The following RAB3C variants were observed in gnomAD, a reference collection of about 807,000 sequenced individuals.
The protein encoded by RAB3C is RAB3C, member RAS oncogene family, also known as ras-related protein Rab-3C.
A neutral mutation model predicts 26.4 loss-of-function variants in RAB3C; 17 were observed. That is an observed-to-expected ratio of 0.64 (90% CI 0.44 to 0.97). RAB3C has a LOEUF of 0.97. RAB3C is among the 50% of genes least tolerant of loss of function. The probability of loss-of-function intolerance (pLI) is 0.00; values close to 1 mark genes in which losing one functional copy is unlikely to be tolerated. For missense variants in RAB3C, 242 were observed against 281.9 expected, an observed-to-expected ratio of 0.86 and a Z score of 1.01; for synonymous variants, 91 against 95.9, an observed-to-expected ratio of 0.95 and a Z score of 0.30.
intron 2 of RAB3C, among the ~76,000 whole-genome samples, chr5:58,627,614 G>A (rs1459892323): frequency 6.6e-6 from 1 of 151,248 alleles, no homozygotes; most frequent in Admixed American, 6.6e-5. Flanking sequence ...TTTCTAGTTG[G>A]ATAGTACTTA....
At chr5:58,794,357 A>G (rs1448612765) in intron 3 of RAB3C, 2 of 152,032 alleles carry the variant, frequency 1.3e-5, no homozygotes, top group Non-Finnish European at 2.9e-5. Context: ...GACACAAAAC[A>G]AAACACAGAA....
At chr5:58,661,138 C>T (rs750062540) in intron 2 of RAB3C, among the ~76,000 whole-genome samples, 18 of 149,942 alleles carry the variant, frequency 1.2e-4, no homozygotes, top group Non-Finnish European at 2.5e-4. Flanking sequence ...AGGAAATAAA[C>T]ATGGGATATT....
intron 1 of RAB3C, among the ~76,000 whole-genome samples, chr5:58,607,673 G>A (rs541858729): frequency 3.3e-4 from 50 of 152,308 alleles, no homozygotes; most frequent in Non-Finnish European, 6.3e-4. Context: ...GAAAGGTCGG[G>A]TTACCCACAA....
At chr5:58,623,758 C>T (rs1746989945) in intron 2 of RAB3C, among the ~76,000 whole-genome samples, 2 of 152,134 alleles carry the variant, frequency 1.3e-5, no homozygotes, top group African/African-American at 2.4e-5. Flanking sequence ...GGAAAACAAA[C>T]ATAGAAGAAA....
chr5:58,632,161 A>T (rs1206468855), intron 2 of RAB3C, among the ~76,000 whole-genome samples: 2 of 152,202 alleles, frequency 1.3e-5, no homozygotes, highest in Non-Finnish European at 2.9e-5. Flanking sequence ...TCACATATGA[A>T]AGCAACCAGA....
At chr5:58,684,391 A>C (rs1748404292) in intron 2 of RAB3C, among the ~76,000 whole-genome samples, 2 of 152,226 alleles carry the variant, frequency 1.3e-5, no homozygotes, top group South Asian at 2.1e-4. Context: ...TGACAGAAGC[A>C]GTCTTTATCA....
chr5:58,678,205 T>G (rs555728955), intron 2 of RAB3C, among the ~76,000 whole-genome samples: 8 of 152,246 alleles, frequency 5.3e-5, no homozygotes, highest in African/African-American at 1.7e-4. Context: ...TCCTAAGTAT[T>G]TTTCATATAA....
chr5:58,647,504 A>G (rs1747547227), intron 2 of RAB3C: 1 of 152,050 alleles, frequency 6.6e-6, no homozygotes. Flanking sequence ...CCCCCTCGAC[A>G]CGTGGGGATT....
At chr5:58,746,196 T>TTTTGTTCC (rs1741398840) in intron 3 of RAB3C, among the ~76,000 whole-genome samples, 1 of 152,182 alleles carries the variant, frequency 6.6e-6, no homozygotes, top group African/African-American at 2.4e-5. Context: ...AGAAGGGTCT[T>TTTTGTTCC]TTTGTTCCTT....
At chr5:58,708,711 C>T (rs1360429840) in intron 2 of RAB3C, among the ~76,000 whole-genome samples, 9 of 152,188 alleles carry the variant, frequency 5.9e-5, no homozygotes, top group Non-Finnish European at 1.3e-4. Flanking sequence ...AATTCCCTTT[C>T]AGGTTTCTCA....
chr5:58,675,284 AAG>A (rs1288290225), intron 2 of RAB3C, among the ~76,000 whole-genome samples: 1 of 152,084 alleles, frequency 6.6e-6, no homozygotes, highest in East Asian at 1.9e-4. Flanking sequence ...TATCTCTAAA[AAG>A]AGAAACATTT....
chr5:58,783,901 C>A (rs442899), intron 3 of RAB3C, among the ~76,000 whole-genome samples: 119,204 of 152,038 alleles, frequency 0.78, 46,887 homozygotes, highest in African/African-American at 0.83. Context: ...AAGCATTTTC[C>A]TGCCCCTATA....
At chr5:58,621,964 C>T (rs1047304132) in intron 2 of RAB3C, among the ~76,000 whole-genome samples, 1 of 152,214 alleles carries the variant, frequency 6.6e-6, no homozygotes, top group African/African-American at 2.4e-5. Flanking sequence ...TTTCTTGTCA[C>T]GTGCTGCATA....
intron 2 of RAB3C, among the ~76,000 whole-genome samples, chr5:58,646,444 G>A (rs1747521017): frequency 6.6e-6 from 1 of 151,564 alleles, no homozygotes; most frequent in South Asian, 2.1e-4. Context: ...TATACATAAG[G>A]TTTTCTCGGT....
intron 3 of RAB3C, among the ~76,000 whole-genome samples, chr5:58,731,362 T>C (rs1331469408): frequency 6.6e-6 from 1 of 152,162 alleles, no homozygotes; most frequent in African/African-American, 2.4e-5. Flanking sequence ...TTAGAATTTA[T>C]GTAGAATCTA....
At chr5:58,638,613 T>C (rs158963) in intron 2 of RAB3C, among the ~76,000 whole-genome samples, 28,690 of 152,118 alleles carry the variant, frequency 0.19, 2,806 homozygotes, top group Middle Eastern at 0.25. Context: ...GTGAGTATAA[T>C]AGAAACCTCA....
chr5:58,653,264 G>T (rs1252520791), intron 2 of RAB3C, among the ~76,000 whole-genome samples: 1 of 152,168 alleles, frequency 6.6e-6, no homozygotes, highest in Non-Finnish European at 1.5e-5. Flanking sequence ...TCTCACGCCA[G>T]TTAGAATGGT....
intron 2 of RAB3C, among the ~76,000 whole-genome samples, chr5:58,696,371 G>C (rs946628599): frequency 6.6e-6 from 1 of 152,116 alleles, no homozygotes; most frequent in Non-Finnish European, 1.5e-5. Flanking sequence ...CAGGGATATT[G>C]GTCTAAAATT....
intron 2 of RAB3C, among the ~76,000 whole-genome samples, chr5:58,700,723 G>A (rs565775169): frequency 9.9e-5 from 15 of 152,246 alleles, no homozygotes; most frequent in African/African-American, 3.4e-4. Context: ...GCATAGGTGT[G>A]TATATAAAAT....
Sources: allele counts gnomAD v4.1 joint callset (sites outside exome capture counted in the v4.1 genomes callset), GRCh38; gene constraint gnomAD v4.1.1; transcripts MANE v1.5; gene names NCBI Gene and HGNC (gene_info 2026-07-23, HGNC 2026-07-21).